Variants in NAV3 observed in about 807,000 individuals in gnomAD.
NAV3 encodes neuron navigator 3.
In NAV3, 87 loss-of-function variants were observed where a neutral mutation model predicts 244.7. The ratio of observed to expected loss-of-function variants is 0.36; its 90% CI spans 0.30 to 0.42. The LOEUF is 0.42. Among genes scored for constraint, NAV3 ranks in the 20% least tolerant of loss-of-function variants. The probability of loss-of-function intolerance (pLI) is 1.00; values close to 1 mark genes in which losing one functional copy is unlikely to be tolerated. For missense variants in NAV3, 2,663 were observed against 2,893.3 expected, an observed-to-expected ratio of 0.92 and a Z score of 1.83; for synonymous variants, 1,126 against 1,042.2, an observed-to-expected ratio of 1.08 and a Z score of -1.55.
intron 1 of NAV3, among the ~76,000 whole-genome samples, chr12:77,904,150 TA>T (rs1885664369): frequency 6.6e-6 from 1 of 152,228 alleles, no homozygotes; most frequent in Non-Finnish European, 1.5e-5. Context: ...ACTGGGTATA[TA>T]TCCAAAGATT....
chr12:78,010,486 A>C (rs1439057182), intron 8 of NAV3, among the ~76,000 whole-genome samples: 1 of 152,152 alleles, frequency 6.6e-6, no homozygotes, highest in Non-Finnish European at 1.5e-5. Flanking sequence ...TCATGAGAAA[A>C]AATGTCATCC....
intron 1 of NAV3, among the ~76,000 whole-genome samples, chr12:77,897,232 TG>T (rs1366789127): frequency 6.6e-6 from 1 of 152,208 alleles, no homozygotes; most frequent in Non-Finnish European, 1.5e-5. Context: ...CCATGTCCAC[TG>T]TTGACTATAT....
At chr12:77,776,034 C>G (rs1457942640) in intron 2 of NAV3, among the ~76,000 whole-genome samples, 1 of 152,174 alleles carries the variant, frequency 6.6e-6, no homozygotes, top group Admixed American at 6.5e-5. Context: ...ATTCTAGCCC[C>G]TATCTCCCTC....
intron 22 of NAV3, among the ~76,000 whole-genome samples, chr12:78,151,063 T>TA (rs36090494): frequency 0.27 from 40,484 of 150,794 alleles, 5,794 homozygotes; most frequent in East Asian, 0.45. Flanking sequence ...AACAATCATT[T>TA]AAAAAAAAAT....
chr12:77,744,173 A>G (rs1220622590), intron 2 of NAV3, among the ~76,000 whole-genome samples: 1 of 151,980 alleles, frequency 6.6e-6, no homozygotes, highest in Non-Finnish European at 1.5e-5. Flanking sequence ...TTGAGTTACT[A>G]TAAAGCTACA....
chr12:77,657,974 A>G (rs1307155275), intron 2 of NAV3, among the ~76,000 whole-genome samples: 1 of 152,168 alleles, frequency 6.6e-6, no homozygotes, highest in Non-Finnish European at 1.5e-5. Flanking sequence ...AATAAGAACT[A>G]TCTATGACAA....
At chr12:78,196,533 T>C (rs1959176903) in intron 34 of NAV3, among the ~76,000 whole-genome samples, 1 of 152,022 alleles carries the variant, frequency 6.6e-6, no homozygotes, top group African/African-American at 2.4e-5. Flanking sequence ...CCTAATTATG[T>C]TCCTGGCCTA....
intron 12 of NAV3, among the ~76,000 whole-genome samples, chr12:78,106,808 G>A (rs543802670): frequency 1.3e-5 from 2 of 152,266 alleles, no homozygotes; most frequent in Admixed American, 6.5e-5. Flanking sequence ...AACAAAGATA[G>A]GCATGTAGTC....
At chr12:78,178,566 C>T (rs1004995287) in intron 28 of NAV3, among the ~76,000 whole-genome samples, 10 of 152,022 alleles carry the variant, frequency 6.6e-5, no homozygotes, top group East Asian at 1.9e-4. Context: ...TGTACAAGAA[C>T]GAACACATTT....
intron 2 of NAV3, among the ~76,000 whole-genome samples, chr12:77,628,934 T>C (rs887001382): frequency 6.8e-6 from 1 of 147,436 alleles, no homozygotes; most frequent in Non-Finnish European, 1.5e-5. Context: ...AAAATCAAAA[T>C]GTATCCTCTG....
intron 1 of NAV3, among the ~76,000 whole-genome samples, chr12:77,845,339 C>T (rs1876436743): frequency 6.6e-6 from 1 of 152,118 alleles, no homozygotes; most frequent in African/African-American, 2.4e-5. Context: ...GAAGAGAGGA[C>T]CATGTGCTCT....
At chr12:78,006,242 C>A (rs1874194452) in intron 7 of NAV3, among the ~76,000 whole-genome samples, 177 bp from the exon 8 acceptor site, 1 of 151,548 alleles carries the variant, frequency 6.6e-6, no homozygotes, top group East Asian at 2.0e-4. Flanking sequence ...AAACACTCTG[C>A]ATTTTTGAAA....
chr12:77,993,327 A>T (rs1180894772), intron 5 of NAV3, among the ~76,000 whole-genome samples: 6 of 152,230 alleles, frequency 3.9e-5, no homozygotes, highest in Non-Finnish European at 7.3e-5. Context: ...AAGTAGACTG[A>T]GAATTTCACA....
At chr12:78,151,018 G>T (rs1486757212) in intron 22 of NAV3, among the ~76,000 whole-genome samples, 1 of 151,498 alleles carries the variant, frequency 6.6e-6, no homozygotes, top group African/African-American at 2.4e-5. Context: ...AGCACAATTA[G>T]GGAAAAGAAA....
chr12:78,056,964 A>G (rs1566072287), intron 11 of NAV3, among the ~76,000 whole-genome samples: 1 of 152,198 alleles, frequency 6.6e-6, no homozygotes, highest in Non-Finnish European at 1.5e-5. Context: ...TGTAACTCAG[A>G]AAGTTAGTTA....
chr12:77,856,273 T>C (rs971440241), intron 1 of NAV3, among the ~76,000 whole-genome samples: 8 of 152,312 alleles, frequency 5.3e-5, no homozygotes, highest in Middle Eastern at 3.4e-3. Flanking sequence ...TATTATTTGT[T>C]CTTGTGACAT....
intron 2 of NAV3, among the ~76,000 whole-genome samples, chr12:77,667,986 A>C (rs1873795719): frequency 6.6e-6 from 1 of 151,892 alleles, no homozygotes; most frequent in African/African-American, 2.4e-5. Flanking sequence ...CTTTGCAGAC[A>C]CTCCCCAGTA....
chr12:78,133,261 A>G (rs372171018), intron 18 of NAV3, among the ~76,000 whole-genome samples: 1 of 152,088 alleles, frequency 6.6e-6, no homozygotes, highest in Non-Finnish European at 1.5e-5. Flanking sequence ...AGTGGAAAAA[A>G]TGATTGATTC....
intron 1 of NAV3, among the ~76,000 whole-genome samples, chr12:77,926,473 T>C (rs774221923): frequency 3.3e-5 from 5 of 150,746 alleles, no homozygotes; most frequent in Non-Finnish European, 5.9e-5. Flanking sequence ...GATAGATACA[T>C]ACATACATAG....
Sources: gnomAD v4.1 joint callset for allele counts (sites outside exome capture counted in the v4.1 genomes callset) on GRCh38, gnomAD v4.1.1 for gene constraint, MANE v1.5 for transcripts, NCBI Gene and HGNC (gene_info 2026-07-23, HGNC 2026-07-21) for gene names.